The following SV2C variants were observed in gnomAD, a reference collection of about 807,000 sequenced individuals.
The protein encoded by SV2C is solute carrier family 22 member B3.
A neutral mutation model predicts 79.7 loss-of-function variants in SV2C; 49 were observed. That is an observed-to-expected ratio of 0.61 (90% confidence interval 0.49 to 0.78). SV2C has a LOEUF of 0.78. Among genes scored for constraint, SV2C ranks in the 30% least tolerant of loss-of-function variants. The pLI, the probability that SV2C is intolerant of heterozygous loss-of-function variation, is 0.00. For synonymous variants in SV2C, 334 were observed against 333.2 expected (o/e 1.00, Z -0.03); for missense variants, 833 against 912.9 (o/e 0.91, Z 1.13).
the SV2C span, among the ~76,000 whole-genome samples, chr5:76,009,811 C>T: frequency 6.6e-6 from 1 of 151,994 alleles, no homozygotes; most frequent in Non-Finnish European, 1.5e-5. Flanking sequence ...CTATGCTCAG[C>T]ACCTTGATGA....
chr5:76,312,744 C>T (rs1409083620), intron 12 of SV2C, among the ~76,000 whole-genome samples: 2 of 152,142 alleles, frequency 1.3e-5, no homozygotes, highest in East Asian at 3.8e-4. Flanking sequence ...CTTTTCTTTC[C>T]CCCTTATGCC....
chr5:76,241,866 A>C (rs964920233), intron 4 of SV2C, among the ~76,000 whole-genome samples: 14 of 152,198 alleles, frequency 9.2e-5, no homozygotes, highest in African/African-American at 3.4e-4. Flanking sequence ...CCCTTCCCCC[A>C]AAAACAACAA....
chr5:76,092,891 G>A (rs1425767068), intron 1 of SV2C, among the ~76,000 whole-genome samples: 2 of 152,018 alleles, frequency 1.3e-5, no homozygotes, highest in South Asian at 2.1e-4. Context: ...TAGGCCCCTT[G>A]CAGCTCCAGC....
At chr5:75,901,799 C>T in the SV2C span, among the ~76,000 whole-genome samples, 4 of 152,202 alleles carry the variant, frequency 2.6e-5, no homozygotes, top group Non-Finnish European at 5.9e-5. Flanking sequence ...ATGGCAGGTG[C>T]CCCTCCCCCA....
At chr5:76,151,815 C>T (rs570265471) in intron 2 of SV2C, among the ~76,000 whole-genome samples, 2 of 53,492 alleles carry the variant, frequency 3.7e-5, no homozygotes, top group Non-Finnish European at 1.1e-4. Flanking sequence ...CAAGTGGTGC[C>T]ACCCAGTGAA....
chr5:75,958,342 G>T, the SV2C span, among the ~76,000 whole-genome samples: 95 of 151,994 alleles, frequency 6.3e-4, no homozygotes, highest in Non-Finnish European at 1.2e-3. Flanking sequence ...GTCTGTGAGG[G>T]TGTTTCTGGA....
the SV2C span, among the ~76,000 whole-genome samples, chr5:75,947,256 C>T: frequency 1.3e-5 from 2 of 151,994 alleles, no homozygotes; most frequent in Admixed American, 6.6e-5. Context: ...CCCCAATTCC[C>T]TGTGGAAGTA....
the SV2C span, among the ~76,000 whole-genome samples, chr5:75,913,088 A>T: frequency 5.5e-4 from 84 of 152,338 alleles, 1 homozygote; most frequent in Non-Finnish European, 1.2e-4. Flanking sequence ...CCACAGGAAT[A>T]GGCCAGTGAG....
At chr5:75,982,438 G>A in the SV2C span, among the ~76,000 whole-genome samples, 908 of 152,136 alleles carry the variant, frequency 6.0e-3, 14 homozygotes, top group African/African-American at 0.021. Context: ...CACCAGAATG[G>A]CTATTATTTA....
chr5:76,205,227 A>C (rs536381836), intron 3 of SV2C, among the ~76,000 whole-genome samples: 134 of 152,172 alleles, frequency 8.8e-4, no homozygotes, highest in Admixed American at 1.5e-3. Flanking sequence ...GATTCATTCT[A>C]GAAATGTGTT....
At chr5:76,197,737 T>TAGATAGATAGATAG (rs1554039526) in intron 3 of SV2C, among the ~76,000 whole-genome samples, 1 of 2,998 alleles carries the variant, frequency 3.3e-4, no homozygotes, top group African/African-American at 2.0e-3. Context: ...TAGATAGATA[T>TAGATAGATAGATAG]GAGACAGGAC....
At position 76,121,145 on chromosome 5, in the gene SV2C, T is replaced by C. The variant is rs1476661453; in HGVS notation, c.-101-10505T>C. On this transcript the variant is annotated intron_variant, in intron 1 of 12. Coordinates refer to ENST00000502798, the MANE Select transcript of SV2C (RefSeq NM_014979.4). ...GATGATGAGCATTTTTTCATGTCTTTTTTGGCTGCATAAATGTCTTCTTTT... is the reference window on the plus strand; with the variant it reads ...GATGATGAGCATTTTTTCATGTCTTCTTTGGCTGCATAAATGTCTTCTTTT... 3.3e-5 allele frequency among the ~76,000 whole-genome samples: 5 copies of C among 151,924 alleles called. No homozygotes were observed. The East Asian group carries it at 9.6e-4, about 29-fold the overall frequency.
intron 2 of SV2C, among the ~76,000 whole-genome samples, chr5:76,155,097 A>G (rs979031201): frequency 6.6e-6 from 1 of 152,226 alleles, no homozygotes; most frequent in Non-Finnish European, 1.5e-5. Flanking sequence ...CCTAAGATAA[A>G]GTAAACATAG....
intron 4 of SV2C, among the ~76,000 whole-genome samples, chr5:76,252,076 A>G (rs1461727314): frequency 2.0e-5 from 3 of 152,190 alleles, no homozygotes; most frequent in African/African-American, 7.2e-5. Context: ...TCTTCAAACT[A>G]GAGTATGCAA....
At chr5:75,897,199 T>G in the SV2C span, among the ~76,000 whole-genome samples, 1 of 151,402 alleles carries the variant, frequency 6.6e-6, no homozygotes, top group Admixed American at 6.6e-5. Flanking sequence ...TTTATGGTTT[T>G]AGGTCTAACA....
At chr5:75,952,281 TCC>T in the SV2C span, among the ~76,000 whole-genome samples, 1 of 137,852 alleles carries the variant, frequency 7.3e-6, no homozygotes, top group South Asian at 2.2e-4. Flanking sequence ...CTTCCTTCCT[TCC>T]TTCCTTTCTT....
chr5:75,892,856 G>A, the SV2C span, among the ~76,000 whole-genome samples: 2,519 of 152,086 alleles, frequency 0.017, 36 homozygotes, highest in African/African-American at 0.043. Context: ...CCATGTCTTG[G>A]CTACTGTTAA....
chr5:75,971,244 A>G, the SV2C span, among the ~76,000 whole-genome samples: 1 of 152,248 alleles, frequency 6.6e-6, no homozygotes, highest in Middle Eastern at 3.4e-3. Context: ...AACTGGAAGC[A>G]TTCCCTTTGA....
chr5:76,103,955 C>T (rs939229729), intron 1 of SV2C, among the ~76,000 whole-genome samples: 2 of 152,258 alleles, frequency 1.3e-5, no homozygotes, highest in Non-Finnish European at 1.5e-5. Context: ...AACATAGACA[C>T]AAATACTCTC....
Sources: gnomAD v4.1 joint callset for allele counts (sites outside exome capture counted in the v4.1 genomes callset) on GRCh38, gnomAD v4.1.1 for gene constraint, MANE v1.5 for transcripts, NCBI Gene and HGNC (gene_info 2026-07-23, HGNC 2026-07-21) for gene names.